DCLK1: variants seen among roughly 807,000 people sequenced by gnomAD.
DCLK1 encodes the protein doublecortin like kinase 1, also known as serine/threonine-protein kinase DCLK1.
In DCLK1, 16 loss-of-function variants were observed where a neutral mutation model predicts 86.2. The observed-to-expected ratio is 0.19, with a 90% CI of 0.13 to 0.28. DCLK1 has a LOEUF of 0.28. Among genes scored for constraint, DCLK1 ranks in the 10% least tolerant of loss-of-function variants. The pLI is 1.00. For missense variants in DCLK1, 590 were observed against 940.2 expected (o/e 0.63, Z 4.87); for synonymous variants, 369 against 370.5 (o/e 1.00, Z 0.05).
chr13:35,916,278 G>C (rs1164946384), intron 4 of DCLK1, among the ~76,000 whole-genome samples: 1 of 152,226 alleles, frequency 6.6e-6, no homozygotes, highest in East Asian at 1.9e-4. Context: ...TAGCAAATGA[G>C]CATTTGAAAG....
At chr13:35,807,424 C>T (rs574002859) in intron 14 of DCLK1, among the ~76,000 whole-genome samples, 2 of 152,286 alleles carry the variant, frequency 1.3e-5, no homozygotes, top group South Asian at 2.1e-4. Context: ...ATTCAAGGTT[C>T]AACTTAAATC....
chr13:35,869,741 T>A (rs1349450347), intron 5 of DCLK1, among the ~76,000 whole-genome samples: 1 of 152,238 alleles, frequency 6.6e-6, no homozygotes, highest in Non-Finnish European at 1.5e-5. Context: ...TCAGTGGTTC[T>A]GGAGAGGGAG....
chr13:35,862,538 G>A (rs150947803), intron 5 of DCLK1, among the ~76,000 whole-genome samples: 363 of 152,156 alleles, frequency 2.4e-3, no homozygotes, highest in African/African-American at 4.5e-3. Context: ...ACTCAACTGC[G>A]ATCTTTCATG....
At chr13:36,120,373 T>C (rs1405856504) in intron 2 of DCLK1, among the ~76,000 whole-genome samples, 1 of 152,206 alleles carries the variant, frequency 6.6e-6, no homozygotes. Flanking sequence ...TTTCTATGTC[T>C]AGAGATGTTT....
intron 11 of DCLK1, among the ~76,000 whole-genome samples, chr13:35,821,247 C>T (rs368068664): frequency 9.1e-4 from 138 of 152,292 alleles, no homozygotes; most frequent in Middle Eastern, 6.8e-3. Flanking sequence ...ACTGTAAAGA[C>T]GTTAGCACAG....
At chr13:36,097,925 C>G (rs1476680474) in intron 3 of DCLK1, among the ~76,000 whole-genome samples, 1 of 152,070 alleles carries the variant, frequency 6.6e-6, no homozygotes, top group Non-Finnish European at 1.5e-5. Context: ...AGATATGACA[C>G]TGTGGTTAAG....
At chr13:36,078,283 C>T (rs147262417) in intron 3 of DCLK1, among the ~76,000 whole-genome samples, 2 of 152,302 alleles carry the variant, frequency 1.3e-5, no homozygotes, top group African/African-American at 4.8e-5. Context: ...GTTTAAGCCA[C>T]CCAGTCTATA....
At chr13:36,079,838 G>A (rs1884355001) in intron 3 of DCLK1, among the ~76,000 whole-genome samples, 1 of 152,180 alleles carries the variant, frequency 6.6e-6, no homozygotes, top group African/African-American at 2.4e-5. Context: ...CTATTGACTT[G>A]TGATGCTGCA....
rs865887822 is a variant in DCLK1, at chr13:36,050,803, G to A, written c.723+61066C>T. Among the ~76,000 whole-genome samples, 58 of 152,204 alleles carry A rather than the reference G, an allele frequency of 3.8e-4. 1 individual carries two copies. Among genetic ancestry groups the A allele is most frequent in the African/African-American group, 1.3e-3 (54 of 41,536 alleles). On this transcript the variant is annotated intron_variant, in intron 3 of 16. Transcript: ENST00000360631. ...ATTTCTCTATTTACTGAGTGTGAGCGTCTTCTCCATATCAGGAGCTGTGTC... is the reference window on the plus strand; with the variant it reads ...ATTTCTCTATTTACTGAGTGTGAGCATCTTCTCCATATCAGGAGCTGTGTC...
intron 6 of DCLK1, among the ~76,000 whole-genome samples, chr13:35,853,882 T>A (rs1418044747): frequency 1.3e-5 from 2 of 152,140 alleles, no homozygotes; most frequent in African/African-American, 4.8e-5. Context: ...AGAACAGTAG[T>A]CTCTCCATCC....
chr13:35,905,470 C>T (rs564080208), intron 4 of DCLK1, among the ~76,000 whole-genome samples: 4 of 152,354 alleles, frequency 2.6e-5, no homozygotes, highest in East Asian at 1.9e-4. Flanking sequence ...GGCCACCTCA[C>T]TTCCACAAGG....
chr13:35,904,996 C>A (rs1874600355), intron 4 of DCLK1, among the ~76,000 whole-genome samples: 1 of 152,146 alleles, frequency 6.6e-6, no homozygotes, highest in Non-Finnish European at 1.5e-5. Flanking sequence ...TGTTTCCTAC[C>A]CTAATAGATT....
chr13:35,784,903 G>C lies in DCLK1; in HGVS notation c.2058+8463C>G, dbSNP rs143382262. On this transcript the variant is annotated intron_variant, in intron 16 of 16. Transcript: ENST00000360631. ...ACGGAGGTTCCTCCCTGGCTTCCAGGGGAACAGTTTTCTCAAACCTGCACG... is the reference window on the plus strand; with the variant it reads ...ACGGAGGTTCCTCCCTGGCTTCCAGCGGAACAGTTTTCTCAAACCTGCACG... 3.3e-5 allele frequency among the ~76,000 whole-genome samples: 5 copies of C among 152,174 alleles called. No homozygotes were observed. In the East Asian group the frequency reaches 9.7e-4, roughly 30 times the overall value.
chr13:36,002,821 C>G (rs1173553807), intron 3 of DCLK1, among the ~76,000 whole-genome samples: 1 of 152,204 alleles, frequency 6.6e-6, no homozygotes, highest in Middle Eastern at 3.2e-3. Context: ...GGCAAATTAA[C>G]TTAATAAATT....
chr13:35,971,763 CAAA>C (rs71643790), intron 3 of DCLK1, among the ~76,000 whole-genome samples: 2 of 130,206 alleles, frequency 1.5e-5, no homozygotes. Flanking sequence ...AACTCCATCT[CAAA>C]AAAAAAAAAA....
intron 5 of DCLK1, among the ~76,000 whole-genome samples, chr13:35,864,683 C>T (rs1452254237): frequency 1.4e-5 from 2 of 140,214 alleles, no homozygotes; most frequent in African/African-American, 5.3e-5. Flanking sequence ...AATGGGGTCT[C>T]ACTCTGGCAT....
intron 8 of DCLK1, among the ~76,000 whole-genome samples, chr13:35,830,247 C>A (rs1318483033): frequency 6.6e-6 from 1 of 151,932 alleles, no homozygotes; most frequent in African/African-American, 2.4e-5. Context: ...AAAAATTAGC[C>A]AGGCATGGTG....
intron 15 of DCLK1, among the ~76,000 whole-genome samples, chr13:35,800,822 T>C: frequency 9.2e-6 from 1 of 108,788 alleles, no homozygotes; most frequent in Non-Finnish European, 1.7e-5. Flanking sequence ...GTTCGAGCCA[T>C]CCTCATTCCT....
chr13:35,974,987 C>T (rs1879260817), intron 3 of DCLK1, among the ~76,000 whole-genome samples: 1 of 152,240 alleles, frequency 6.6e-6, no homozygotes, highest in African/African-American at 2.4e-5. Context: ...TTTCAGTCAA[C>T]AGCCCTTTGA....
Sources: gnomAD v4.1 joint callset for allele counts (sites outside exome capture counted in the v4.1 genomes callset) on GRCh38, gnomAD v4.1.1 for gene constraint, MANE v1.5 for transcripts, NCBI Gene and HGNC (gene_info 2026-07-23, HGNC 2026-07-21) for gene names.